Variants in ANKRD30A observed in about 807,000 individuals in gnomAD.
ANKRD30A encodes ankyrin repeat domain 30A.
In ANKRD30A, 170 loss-of-function variants were observed where a neutral mutation model predicts 166.3. That is an observed-to-expected ratio of 1.02 (90% CI 0.90 to 1.16). The LOEUF is 1.16. Among genes scored for constraint, ANKRD30A ranks in the 50% most tolerant of loss-of-function variants. The pLI is 0.00. For missense variants in ANKRD30A, 1,630 were observed against 1,518.0 expected (o/e 1.07, Z -1.23); for synonymous variants, 564 against 508.9 (o/e 1.11, Z -1.46).
At chr10:37,141,498 G>T (rs1434870362) in intron 6 of ANKRD30A, among the ~76,000 whole-genome samples, 1 of 140,796 alleles carries the variant, frequency 7.1e-6, no homozygotes, top group Non-Finnish European at 1.5e-5. Flanking sequence ...TGAGGTAGGA[G>T]AATTGCTTGA....
chr10:37,164,873 T>A (rs1365597347), intron 17 of ANKRD30A, among the ~76,000 whole-genome samples: 1 of 152,104 alleles, frequency 6.6e-6, no homozygotes, highest in Non-Finnish European at 1.5e-5. Flanking sequence ...GTCAAATTTC[T>A]ATTTTTCTGC....
intron 31 of ANKRD30A, among the ~76,000 whole-genome samples, chr10:37,207,274 A>T (rs1357999045): frequency 6.6e-6 from 1 of 152,210 alleles, no homozygotes; most frequent in Admixed American, 6.5e-5. Context: ...TATAAGATAA[A>T]TTAAAGAATA....
In ANKRD30A at chr10:37,151,256, A is replaced by G. The variant is rs575468879; in HGVS notation, c.1646-804A>G. 2.6e-5 allele frequency among the ~76,000 whole-genome samples: 4 copies of G among 152,258 alleles called. No individual in the cohort carries two copies. The South Asian group carries it at 6.2e-4, about 24-fold the overall frequency. On this transcript the variant is annotated intron_variant, in intron 11 of 35. Transcript: ENST00000361713. The stretch of plus-strand genomic sequence containing the variant: ...AAGAAAACTGGACATTATTTTTGGT[A>G]TAAATTCATTTTCTGTCTCATGTTC...
intron 31 of ANKRD30A, 60 bp downstream of exon 31, chr10:37,201,385 GA>G: frequency 7.6e-7 from 1 of 1,310,346 alleles, no homozygotes; most frequent in Non-Finnish European, 1.0e-6. Context: ...AAATGATGAG[GA>G]AGGATATGCT....
At chr10:37,253,470 C>A in the ANKRD30A span, among the ~76,000 whole-genome samples, 1 of 152,058 alleles carries the variant, frequency 6.6e-6, no homozygotes, top group Non-Finnish European at 1.5e-5. Context: ...TGAAAGAAAC[C>A]CTATATTCAT....
chr10:37,218,979 G>C lies in ANKRD30A; in HGVS notation c.3268-1G>C, dbSNP rs927219640. The C allele has an allele frequency of 8.3e-6, 13 of 1,563,618 alleles. No homozygotes were observed. The highest frequency in any genetic ancestry group is 1.1e-5 in the Non-Finnish European group (13 of 1,156,618). On this transcript the variant is annotated splice_acceptor_variant, in intron 33 of 35. Transcript: ENST00000361713. LOFTEE classifies it high-confidence loss of function. ...CTAAAAGTTTATTTTGTTTTATTTA[G>C]GTTTCTCACACTCATGAAAATGAAA...
chr10:37,190,943 G>A (rs1588884133), intron 25 of ANKRD30A, among the ~76,000 whole-genome samples: 1 of 151,732 alleles, frequency 6.6e-6, no homozygotes, highest in Admixed American at 6.6e-5. Flanking sequence ...TGGTAAAATT[G>A]CCATTTTATG....
At chr10:37,235,365 C>T (rs1052932565), downstream of ANKRD30A, among the ~76,000 whole-genome samples, 1 of 152,134 alleles carries the variant, frequency 6.6e-6, no homozygotes, top group Non-Finnish European at 1.5e-5. Context: ...TACTCACAAA[C>T]CACCAAGTAT....
At chr10:37,223,581 T>C (rs539528070) in intron 34 of ANKRD30A, among the ~76,000 whole-genome samples, 24 of 151,324 alleles carry the variant, frequency 1.6e-4, no homozygotes, top group Non-Finnish European at 3.1e-4. Context: ...GCATAAAAAC[T>C]TTTTTACCAA....
At chr10:37,232,654 T>TTATATATATATATATATA (rs10559316), downstream of ANKRD30A, 791 of 53,956 alleles carry the variant, frequency 0.015, 19 homozygotes, top group South Asian at 0.027. Context: ...AGCATTGGTT[T>TTATATATATATATATATA]TATATATATA....
the ANKRD30A span, among the ~76,000 whole-genome samples, chr10:37,242,641 T>G: frequency 4.6e-5 from 7 of 152,218 alleles, no homozygotes; most frequent in Non-Finnish European, 1.0e-4. Context: ...TTGGAGCACT[T>G]ATGGCGTCAA....
rs528239002 is a variant in ANKRD30A at position 37,131,882 on chromosome 10, A to G, written c.511-358A>G. ...AATATAGTTTAAGAAACACTAAATTAGAATACTACTTTAGTCAAAAACAAA... is the reference window on the plus strand; with the variant it reads ...AATATAGTTTAAGAAACACTAAATTGGAATACTACTTTAGTCAAAAACAAA... On this transcript the variant is annotated intron_variant, in intron 3 of 35. Coordinates refer to ENST00000361713, the MANE Select transcript of ANKRD30A (RefSeq NM_052997.3). 3.3e-4 allele frequency among the ~76,000 whole-genome samples: 50 copies of G among 152,362 alleles called. 2 individuals are homozygous for G. The highest frequency in any genetic ancestry group is 3.4e-3 in the Middle Eastern group (1 of 294).
At chr10:37,213,945 G>A (rs1225177897) in intron 31 of ANKRD30A, among the ~76,000 whole-genome samples, 4 of 151,504 alleles carry the variant, frequency 2.6e-5, no homozygotes, top group African/African-American at 7.3e-5. Flanking sequence ...GAAGAATGGT[G>A]TTAAGTCTAT....
intron 15 of ANKRD30A, among the ~76,000 whole-genome samples, chr10:37,159,008 T>C (rs762284171): frequency 1.3e-5 from 2 of 151,372 alleles, no homozygotes; most frequent in East Asian, 3.9e-4. Context: ...GAAAATCAGC[T>C]TTTTTTTTGA....
At chr10:37,232,654 TTATA>T (rs10559316), downstream of ANKRD30A, 751 of 54,172 alleles carry the variant, frequency 0.014, 24 homozygotes, top group African/African-American at 0.019. Flanking sequence ...AGCATTGGTT[TTATA>T]TATATATATA....
At chr10:37,163,023 A>C (rs1204069159) in intron 17 of ANKRD30A, among the ~76,000 whole-genome samples, 175 bp downstream of exon 17, 2 of 152,160 alleles carry the variant, frequency 1.3e-5, no homozygotes, top group Non-Finnish European at 2.9e-5. Flanking sequence ...AGTAATTTTC[A>C]ATATATTTTT....
intron 31 of ANKRD30A, among the ~76,000 whole-genome samples, chr10:37,201,964 A>T (rs1841652737): frequency 6.6e-6 from 1 of 152,018 alleles, no homozygotes; most frequent in Non-Finnish European, 1.5e-5. Context: ...TCAGCGGGAA[A>T]CCTAGTTAAC....
At chr10:37,144,473 C>T (rs1837364435) in intron 7 of ANKRD30A, among the ~76,000 whole-genome samples, 1 of 152,094 alleles carries the variant, frequency 6.6e-6, no homozygotes, top group Admixed American at 6.5e-5. Context: ...ACATACACAC[C>T]AAATATACTG....
At chr10:37,209,331 G>A (rs758995994) in intron 31 of ANKRD30A, among the ~76,000 whole-genome samples, 9 of 152,092 alleles carry the variant, frequency 5.9e-5, no homozygotes, top group South Asian at 2.1e-4. Flanking sequence ...GAAGCATAAC[G>A]TGGGGCTCTG....
Sources: gnomAD v4.1 joint callset for allele counts (sites outside exome capture counted in the v4.1 genomes callset) on GRCh38, gnomAD v4.1.1 for gene constraint, MANE v1.5 for transcripts, NCBI Gene and HGNC (gene_info 2026-07-23, HGNC 2026-07-21) for gene names.